The following ZNF292 variants were observed in gnomAD, a reference collection of about 807,000 sequenced individuals.
The protein encoded by ZNF292 is zinc finger protein 292.
In ZNF292, 26 loss-of-function variants were observed where a neutral mutation model predicts 217.9. The ratio of observed to expected loss-of-function variants is 0.12; its 90% CI spans 0.09 to 0.17. The LOEUF (loss-of-function observed/expected upper bound fraction) is 0.17. Among genes scored for constraint, ZNF292 ranks in the 10% least tolerant of loss-of-function variants. The probability of loss-of-function intolerance (pLI) is 1.00; values close to 1 mark genes in which losing one functional copy is unlikely to be tolerated. For missense variants in ZNF292, 2,904 were observed against 3,175.2 expected (o/e 0.91, Z 2.05); for synonymous variants, 1,257 against 1,124.1 (o/e 1.12, Z -2.37).
rs544145079 is a variant in ZNF292, at chr6:87,262,595, A to G, written c.*794A>G. Reference sequence around the variant, plus strand: ...GAAATGTGAATAAAGAATTTACTACATTGAAGATTTTAAACATTTGGTATT... The same window carrying G: ...GAAATGTGAATAAAGAATTTACTACGTTGAAGATTTTAAACATTTGGTATT... On this transcript the variant is annotated 3_prime_UTR_variant, in exon 8 of 8. Transcript: ENST00000369577. 3.1e-4 allele frequency: 47 copies of G among 152,010 alleles called. No homozygotes were observed. The highest frequency in any genetic ancestry group is 9.2e-4 in the African/African-American group (38 of 41,528). The allele number at this position is 152,010 out of a possible 1,614,324, so 9.4% of individuals were successfully genotyped here. A position where few individuals can be genotyped will look rare whatever the true frequency, so the allele number is the denominator to read the frequency against.
Position 87,260,648 on chromosome 6 carries a change from A to G in ZNF292, c.7019A>G (p.Asn2340Ser), listed in dbSNP as rs1432690502. Residue 2340 changes from asparagine to serine, a missense_variant, in exon 8 of 8, where the codon AAT (asparagine) becomes AGT (serine). Asn to Ser is a conservative substitution (Grantham distance 46). This residue lies in a region of ZNF292 where 101 missense variants were observed against 89.5 expected (regional missense o/e 1.13). Coordinates refer to ENST00000369577, the MANE Select transcript of ZNF292 (RefSeq NM_015021.3). ...MPKTKRKKKN[N>S]LENKNAKIVQ... is the part of the protein sequence containing the mutation. ...AAGACCAAACGAAAGAAAAAAAATA[A>G]TTTAGAAAACAAGAATGCAAAGATT... 6.2e-7 allele frequency: 1 copy of G among 1,612,548 alleles called. No homozygotes were observed. Among genetic ancestry groups the G allele is most frequent in the African/African-American group, 1.3e-5 (1 of 74,882 alleles).
At chr6:87,225,112 A>G (rs1235553653) in intron 4 of ZNF292, among the ~76,000 whole-genome samples, 2 of 152,314 alleles carry the variant, frequency 1.3e-5, no homozygotes, top group Non-Finnish European at 1.5e-5. Flanking sequence ...TGTAATGACA[A>G]ATGATTCTGA....
chr6:87,167,770 G>A (rs1770963772), intron 1 of ZNF292, among the ~76,000 whole-genome samples: 1 of 152,166 alleles, frequency 6.6e-6, no homozygotes, highest in Non-Finnish European at 1.5e-5. Flanking sequence ...ATATTTTACT[G>A]CTCTTTATGT....
intron 5 of ZNF292, among the ~76,000 whole-genome samples, chr6:87,236,389 G>GTT (rs770752267): frequency 1.9e-3 from 252 of 130,636 alleles, no homozygotes; most frequent in African/African-American, 6.7e-3. Context: ...CCCATAGGTT[G>GTT]TTTTTTTTTT....
At chr6:87,190,235 A>G (rs1273178839) in intron 1 of ZNF292, among the ~76,000 whole-genome samples, 1 of 152,232 alleles carries the variant, frequency 6.6e-6, no homozygotes, top group East Asian at 1.9e-4. Flanking sequence ...ATACCACGTA[A>G]TAACTAACAA....
intron 1 of ZNF292, among the ~76,000 whole-genome samples, chr6:87,212,858 G>T (rs1167229559): frequency 1.3e-5 from 2 of 152,204 alleles, no homozygotes; most frequent in African/African-American, 4.8e-5. Flanking sequence ...CTGGTCAAAA[G>T]ATTGGAGAGT....
At chr6:87,236,389 GTT>G (rs770752267) in intron 5 of ZNF292, among the ~76,000 whole-genome samples, 18 of 130,636 alleles carry the variant, frequency 1.4e-4, no homozygotes, top group Non-Finnish European at 2.0e-4. Context: ...CCCATAGGTT[GTT>G]TTTTTTTTTT....
intron 1 of ZNF292, among the ~76,000 whole-genome samples, chr6:87,182,193 C>T (rs1432153659): frequency 6.6e-6 from 1 of 152,108 alleles, no homozygotes; most frequent in East Asian, 1.9e-4. Flanking sequence ...TGGAATATTA[C>T]TATGCAGGAG....
At chr6:87,218,286 G>C (rs1772890385) in intron 3 of ZNF292, among the ~76,000 whole-genome samples, 1 of 151,976 alleles carries the variant, frequency 6.6e-6, no homozygotes, top group Non-Finnish European at 1.5e-5. Flanking sequence ...AATGTGTAAG[G>C]TCTTTTATGC....
intron 1 of ZNF292, among the ~76,000 whole-genome samples, chr6:87,181,421 G>A (rs1231337967): frequency 1.3e-5 from 2 of 152,064 alleles, no homozygotes; most frequent in Admixed American, 6.6e-5. Context: ...GCTCTCCACC[G>A]CTTCTCTTGA....
chr6:87,187,068 TTAA>T (rs1771684926), intron 1 of ZNF292, among the ~76,000 whole-genome samples: 1 of 152,202 alleles, frequency 6.6e-6, no homozygotes, highest in Admixed American at 6.5e-5. Flanking sequence ...AGCTAGTAAA[TTAA>T]TTTTTTCCTC....
intron 1 of ZNF292, among the ~76,000 whole-genome samples, chr6:87,167,991 C>T (rs1328831543): frequency 6.6e-6 from 1 of 152,146 alleles, no homozygotes; most frequent in Non-Finnish European, 1.5e-5. Context: ...CTGTCATTGT[C>T]CAAAATCAGT....
chr6:87,194,117 T>G (rs1039408441), intron 1 of ZNF292, among the ~76,000 whole-genome samples: 1 of 152,152 alleles, frequency 6.6e-6, no homozygotes, highest in African/African-American at 2.4e-5. Context: ...CTTTTTCATG[T>G]CGTATGTCTA....
At chr6:87,185,007 C>T (rs1771600695) in intron 1 of ZNF292, among the ~76,000 whole-genome samples, 4 of 152,202 alleles carry the variant, frequency 2.6e-5, no homozygotes, top group African/African-American at 9.7e-5. Flanking sequence ...CAGACTCACA[C>T]ACTAATGTCC....
rs1383386384 is a variant in ZNF292, at chr6:87,256,600, G to C, written c.2971G>C (p.Glu991Gln). ...LCHPGFQERK[E>Q]QDCFNDAHVT... is the part of the protein sequence containing the mutation. ...TCATCCAGGTTTCCAGGAGAGAAAAGAACAAGATTGCTTTAATGATGCCCA... is the reference window on the plus strand; with the variant it reads ...TCATCCAGGTTTCCAGGAGAGAAAACAACAAGATTGCTTTAATGATGCCCA... The change falls in exon 8 of 8, where the codon GAA (glutamate) becomes CAA (glutamine). Residue 991 changes from glutamate to glutamine, a missense_variant. This residue lies in a region of ZNF292 where 687 missense variants were observed against 623.0 expected (regional missense o/e 1.10). Transcript: ENST00000369577. 1 of 1,613,580 alleles carries C rather than the reference G, an allele frequency of 6.2e-7. No homozygotes were observed. The highest frequency in any genetic ancestry group is 1.1e-5 in the South Asian group (1 of 91,078).
At chr6:87,241,540 TC>T (rs1312368188) in intron 5 of ZNF292, among the ~76,000 whole-genome samples, 1 of 149,618 alleles carries the variant, frequency 6.7e-6, no homozygotes, top group Non-Finnish European at 1.5e-5. Flanking sequence ...CACCTCAACC[TC>T]CCCAGTAGCT....
At position 87,256,232 on chromosome 6, in the gene ZNF292, A is replaced by G. The variant is rs1340173560; in HGVS notation, c.2603A>G (p.Glu868Gly). 2 of 1,613,860 alleles carry G rather than the reference A, an allele frequency of 1.2e-6. No individual in the cohort carries two copies. The highest frequency in any genetic ancestry group is 1.3e-5 in the African/African-American group (1 of 75,028). ...AACACAGCAGAGAATATTGAGAAAG[A>G]AAGATCTATGCTTCCTTCAGAAAAT... ...NQNTAENIEK[E>G]RSMLPSENNI... Residue 868 changes from glutamate to glycine, a missense_variant, in exon 8 of 8, where the codon GAA (glutamate) becomes GGA (glycine). Glu to Gly is a moderately conservative substitution (Grantham distance 98). Transcript: ENST00000369577.
At position 87,260,729 on chromosome 6, in the gene ZNF292, C is replaced by T; in HGVS notation, c.7100C>T (p.Ser2367Phe). ...YSLKRGKHVYSIKARNDALSE... is the reference protein window; with the variant it reads ...YSLKRGKHVYFIKARNDALSE... Reference sequence around the variant, plus strand: ...CTGAAACGTGGGAAGCATGTATATTCTATAAAGGCTAGAAATGATGCCCTG... The same window carrying T: ...CTGAAACGTGGGAAGCATGTATATTTTATAAAGGCTAGAAATGATGCCCTG... Residue 2367 changes from serine to phenylalanine, a missense_variant, in exon 8 of 8, where the codon TCT (serine) becomes TTT (phenylalanine). Transcript: ENST00000369577. The T allele has an allele frequency of 6.2e-7, 1 of 1,613,342 alleles. No individual in the cohort carries two copies. Among genetic ancestry groups the T allele is most frequent in the Non-Finnish European group, 8.5e-7 (1 of 1,179,558 alleles).
At chr6:87,231,628 A>G (rs1399150865) in intron 4 of ZNF292, among the ~76,000 whole-genome samples, 1 of 152,212 alleles carries the variant, frequency 6.6e-6, no homozygotes, top group African/African-American at 2.4e-5. Flanking sequence ...ATATTCTTCT[A>G]CATTGATTTA....
Sources: allele counts gnomAD v4.1 joint callset (sites outside exome capture counted in the v4.1 genomes callset), GRCh38; gene constraint gnomAD v4.1.1; regional missense constraint gnomAD v4.1.1; transcripts MANE v1.5; gene names NCBI Gene and HGNC (gene_info 2026-07-23, HGNC 2026-07-21).